Variants in NMNAT1 observed in about 807,000 individuals in gnomAD.
NMNAT1 encodes the protein nicotinamide/nicotinic acid mononucleotide adenylyltransferase 1.
NMNAT1 carries 11 observed loss-of-function variants against 16.7 expected under a neutral mutation model. That is an observed-to-expected ratio of 0.66 (90% CI 0.41 to 1.09). The LOEUF is 1.09. NMNAT1 is among the 50% of genes least tolerant of loss of function. The pLI is 0.00. For missense variants in NMNAT1, 280 were observed against 332.3 expected (o/e 0.84, Z 1.22); for synonymous variants, 110 against 119.8 (o/e 0.92, Z 0.53).
intron 1 of NMNAT1, among the ~76,000 whole-genome samples, chr1:9,966,170 A>G (rs1358558911): frequency 6.9e-6 from 1 of 145,510 alleles, no homozygotes; most frequent in Non-Finnish European, 1.5e-5. Flanking sequence ...ATGGTGGGGC[A>G]TGCCTGTAGT....
At chr1:9,993,015 A>G in the NMNAT1 span, among the ~76,000 whole-genome samples, 1 of 152,342 alleles carries the variant, frequency 6.6e-6, no homozygotes, top group East Asian at 1.9e-4. Flanking sequence ...AAAACATCTC[A>G]GAAAGAGGAG....
the NMNAT1 span, among the ~76,000 whole-genome samples, chr1:9,994,653 C>A: frequency 6.7e-6 from 1 of 150,178 alleles, no homozygotes; most frequent in East Asian, 2.0e-4. Context: ...TGCTCTGTCC[C>A]CCAGGCTGGA....
chr1:9,974,545 T>A (rs945595449), intron 2 of NMNAT1, among the ~76,000 whole-genome samples: 3 of 151,870 alleles, frequency 2.0e-5, no homozygotes, highest in Non-Finnish European at 4.4e-5. Context: ...CCCGCCACCA[T>A]GCCTGGCTAA....
intron 1 of NMNAT1, among the ~76,000 whole-genome samples, chr1:9,945,541 A>G (rs969260291): frequency 3.3e-5 from 5 of 152,116 alleles, no homozygotes; most frequent in African/African-American, 1.2e-4. Flanking sequence ...TCTACTAAAA[A>G]TACAAAAAAT....
chr1:9,995,173 G>A, the NMNAT1 span, among the ~76,000 whole-genome samples: 3 of 152,140 alleles, frequency 2.0e-5, no homozygotes, highest in East Asian at 5.8e-4. Flanking sequence ...AAGGTTGGAG[G>A]GTTGCTTGAG....
chr1:9,971,120 T>C (rs1641677871), intron 1 of NMNAT1, among the ~76,000 whole-genome samples: 1 of 152,120 alleles, frequency 6.6e-6, no homozygotes, highest in African/African-American at 2.4e-5. Flanking sequence ...TGTCTATCAG[T>C]GGGAGCATCG....
At chr1:9,996,002 C>T in the NMNAT1 span, among the ~76,000 whole-genome samples, 2 of 150,922 alleles carry the variant, frequency 1.3e-5, no homozygotes, top group Admixed American at 6.6e-5. Context: ...GCCCTCCAGC[C>T]CGGGGCGATA....
intron 1 of NMNAT1, among the ~76,000 whole-genome samples, chr1:9,957,666 A>G (rs1248764629): frequency 6.6e-6 from 1 of 152,202 alleles, no homozygotes; most frequent in African/African-American, 2.4e-5. Context: ...TCTGACTTCT[A>G]GTAAGGAAAA....
At chr1:9,993,092 A>G in the NMNAT1 span, among the ~76,000 whole-genome samples, 1 of 152,162 alleles carries the variant, frequency 6.6e-6, no homozygotes, top group Non-Finnish European at 1.5e-5. Context: ...TGGGGGAGAC[A>G]GGATGTACTG....
At chr1:9,988,007 G>GT (rs1235622686), downstream of NMNAT1, among the ~76,000 whole-genome samples, 5 of 151,594 alleles carry the variant, frequency 3.3e-5, no homozygotes, top group Non-Finnish European at 4.4e-5. Context: ...AGTTGTTGTT[G>GT]TTTTTTTTGA....
intron 1 of NMNAT1, among the ~76,000 whole-genome samples, chr1:9,949,365 A>C (rs1043787108): frequency 6.7e-6 from 1 of 150,194 alleles, no homozygotes. Flanking sequence ...GTTATAATCT[A>C]TAAGGGGGAG....
chr1:9,996,383 T>A, the NMNAT1 span, among the ~76,000 whole-genome samples: 1 of 151,126 alleles, frequency 6.6e-6, no homozygotes, highest in Non-Finnish European at 1.5e-5. Context: ...ATAAAATCAA[T>A]AAGTCAGTCT....
At chr1:9,981,908 G>T (rs145335986) in intron 4 of NMNAT1, 2,734 of 157,218 alleles carry the variant, frequency 0.017, 79 homozygotes, top group African/African-American at 0.061. Context: ...TTGTTGCCCA[G>T]GCTGGAGTGC....
chr1:9,980,209 G>C (rs1281580273), intron 3 of NMNAT1, among the ~76,000 whole-genome samples: 1 of 151,960 alleles, frequency 6.6e-6, no homozygotes, highest in Non-Finnish European at 1.5e-5. Flanking sequence ...TGGGATTACA[G>C]GTGTGAGCCA....
intron 1 of NMNAT1, among the ~76,000 whole-genome samples, chr1:9,956,819 C>T (rs1411462756): frequency 6.6e-6 from 1 of 151,134 alleles, no homozygotes; most frequent in East Asian, 1.9e-4. Flanking sequence ...GCAACCTCCA[C>T]CTCCGAGGTT....
chr1:9,955,797 CT>C (rs1641244592), intron 1 of NMNAT1: 1 of 151,952 alleles, frequency 6.6e-6, no homozygotes, highest in Non-Finnish European at 1.5e-5. Flanking sequence ...TTAATAAATG[CT>C]TGACGGATAA....
chr1:9,972,460 C>G (rs1641710925), intron 2 of NMNAT1: 1 of 224,774 alleles, frequency 4.4e-6, no homozygotes, highest in Non-Finnish European at 8.7e-6. Context: ...TGCTGCACTG[C>G]ACTCCAGCCT....
the NMNAT1 span, among the ~76,000 whole-genome samples, chr1:9,996,629 AG>A: frequency 6.6e-6 from 1 of 151,870 alleles, no homozygotes; most frequent in Non-Finnish European, 1.5e-5. Context: ...GGAGATGGGG[AG>A]GTTTGTGCTG....
intron 3 of NMNAT1, among the ~76,000 whole-genome samples, chr1:9,980,225 C>G (rs1247973225): frequency 6.6e-6 from 1 of 151,942 alleles, no homozygotes. Flanking sequence ...AGCCACCACG[C>G]CCAGTCGAGA....
Sources: gnomAD v4.1 joint callset for allele counts (sites outside exome capture counted in the v4.1 genomes callset) on GRCh38, gnomAD v4.1.1 for gene constraint, MANE v1.5 for transcripts, NCBI Gene and HGNC (gene_info 2026-07-23, HGNC 2026-07-21) for gene names.